The following SNTG1 variants were observed in gnomAD, a reference collection of about 807,000 sequenced individuals.
SNTG1 encodes syntrophin gamma 1.
In SNTG1, 39 loss-of-function variants were observed where a neutral mutation model predicts 74.7. The ratio of observed to expected loss-of-function variants is 0.52; its 90% confidence interval spans 0.40 to 0.68. SNTG1 has a LOEUF of 0.68. Ranked by LOEUF, SNTG1 falls within the 30% of genes least tolerant of loss-of-function variation. SNTG1 has a pLI of 0.00. For synonymous variants in SNTG1, 254 were observed against 217.1 expected (o/e 1.17, Z -1.49); for missense variants, 685 against 609.5 (o/e 1.12, Z -1.30).
At chr8:49,955,939 G>A (rs1810116626) in intron 1 of SNTG1, among the ~76,000 whole-genome samples, 1 of 152,274 alleles carries the variant, frequency 6.6e-6, no homozygotes, top group African/African-American at 2.4e-5. Flanking sequence ...TAGGACCCAA[G>A]TATGTCATCT....
intron 18 of SNTG1, among the ~76,000 whole-genome samples, chr8:50,774,549 A>G (rs992808671): frequency 6.7e-6 from 1 of 149,390 alleles, no homozygotes; most frequent in South Asian, 2.1e-4. Context: ...TATTACATAT[A>G]AAAAAAAGAA....
chr8:50,442,429 AC>A (rs1420177811), intron 5 of SNTG1, among the ~76,000 whole-genome samples: 3 of 151,794 alleles, frequency 2.0e-5, no homozygotes, highest in South Asian at 2.1e-4. Context: ...TCTTATTAGA[AC>A]CCTTCTAGGG....
chr8:49,961,813 T>C (rs1810710946), intron 1 of SNTG1, among the ~76,000 whole-genome samples: 1 of 152,178 alleles, frequency 6.6e-6, no homozygotes, highest in Non-Finnish European at 1.5e-5. Context: ...CCTTTTCTAA[T>C]GGAGAAGGAC....
chr8:50,574,693 G>T (rs559322106), intron 12 of SNTG1, among the ~76,000 whole-genome samples: 114 of 151,990 alleles, frequency 7.5e-4, no homozygotes, highest in African/African-American at 2.4e-3. Flanking sequence ...TAGATGTTTG[G>T]TTTTTTTGTG....
chr8:50,316,986 C>T (rs2090341900), intron 2 of SNTG1, among the ~76,000 whole-genome samples: 1 of 152,054 alleles, frequency 6.6e-6, no homozygotes, highest in Non-Finnish European at 1.5e-5. Flanking sequence ...GCTAAAGAAG[C>T]AATGATTATA....
At chr8:50,653,546 G>A (rs370974500) in intron 13 of SNTG1, among the ~76,000 whole-genome samples, 73 of 152,014 alleles carry the variant, frequency 4.8e-4, no homozygotes, top group African/African-American at 1.7e-3. Flanking sequence ...ACATTTTTCC[G>A]CCACATTTGT....
chr8:50,266,680 G>GTATATATATA (rs1247350057), intron 2 of SNTG1, among the ~76,000 whole-genome samples: 48 of 136,792 alleles, frequency 3.5e-4, no homozygotes, highest in African/African-American at 1.3e-3. Context: ...GTGTGTGTGT[G>GTATATATATA]TGTGTATATA....
intron 1 of SNTG1, among the ~76,000 whole-genome samples, chr8:49,983,604 A>G (rs1407759136): frequency 6.6e-6 from 1 of 152,212 alleles, no homozygotes; most frequent in Non-Finnish European, 1.5e-5. Context: ...CTAAACACCC[A>G]ATAATTCACT....
chr8:50,381,752 T>C (rs931680430), intron 2 of SNTG1, among the ~76,000 whole-genome samples: 1 of 139,008 alleles, frequency 7.2e-6, no homozygotes, highest in Admixed American at 7.6e-5. Flanking sequence ...ATATATAGGA[T>C]ATATATATCC....
chr8:50,125,819 T>C (rs967639630), intron 1 of SNTG1, among the ~76,000 whole-genome samples: 1 of 152,200 alleles, frequency 6.6e-6, no homozygotes, highest in African/African-American at 2.4e-5. Context: ...AAGAAAATGC[T>C]GATCGTATGG....
At chr8:50,764,638 A>T (rs2095608970) in intron 18 of SNTG1, among the ~76,000 whole-genome samples, 1 of 151,960 alleles carries the variant, frequency 6.6e-6, no homozygotes, top group Non-Finnish European at 1.5e-5. Flanking sequence ...GTTGGCAAAA[A>T]TGTAGAAAAA....
chr8:50,086,167 C>G (rs1406518051), intron 1 of SNTG1, among the ~76,000 whole-genome samples: 1 of 152,160 alleles, frequency 6.6e-6, no homozygotes, highest in Non-Finnish European at 1.5e-5. Flanking sequence ...AATTGGGCCA[C>G]ATAGGGGACT....
At chr8:50,123,217 T>G (rs1407801313) in intron 1 of SNTG1, among the ~76,000 whole-genome samples, 1 of 143,216 alleles carries the variant, frequency 7.0e-6, no homozygotes, top group Non-Finnish European at 1.6e-5. Flanking sequence ...TACAGACTAG[T>G]GGCTGATGGT....
At chr8:49,933,879 G>A (rs16914039) in intron 1 of SNTG1, among the ~76,000 whole-genome samples, 14,136 of 152,138 alleles carry the variant, frequency 0.093, 922 homozygotes, top group South Asian at 0.2. Context: ...AGGTTTGGCA[G>A]GGATATCGCT....
intron 12 of SNTG1, among the ~76,000 whole-genome samples, chr8:50,587,928 G>T (rs1386423066): frequency 6.6e-6 from 1 of 151,830 alleles, no homozygotes; most frequent in East Asian, 1.9e-4. Context: ...TGGCCAACAT[G>T]GTGAAACCCT....
chr8:50,416,604 T>C (rs957170270), intron 4 of SNTG1, among the ~76,000 whole-genome samples: 8 of 152,188 alleles, frequency 5.3e-5, no homozygotes, highest in Non-Finnish European at 1.2e-4. Flanking sequence ...TATTTTATTA[T>C]ACTTAGTTCT....
At chr8:50,550,991 C>A (rs2094422493) in intron 11 of SNTG1, among the ~76,000 whole-genome samples, 1 of 151,904 alleles carries the variant, frequency 6.6e-6, no homozygotes, top group African/African-American at 2.4e-5. Flanking sequence ...ATGGATTATT[C>A]AAGGGAATAT....
intron 1 of SNTG1, among the ~76,000 whole-genome samples, chr8:50,169,699 T>C (rs946749472): frequency 6.6e-5 from 10 of 152,202 alleles, no homozygotes; most frequent in African/African-American, 2.2e-4. Context: ...TGAACTCTTC[T>C]TTGGACTGTC....
rs958946186 is a variant in SNTG1, at chr8:50,726,438, A to G, written c.1284+17460A>G. Among the ~76,000 whole-genome samples, 2 of 152,156 alleles carry G rather than the reference A, an allele frequency of 1.3e-5. 1 individual carries two copies. The highest frequency in any genetic ancestry group is 4.8e-5 in the African/African-American group (2 of 41,438). On this transcript the variant is annotated intron_variant, in intron 17 of 18. Transcript: ENST00000642720. ...GGGGAGCGCTCAAGTGGGGCCCCTC[A>G]GGCAGAGTGGGCAACAGGCAAGGTG...
Sources: allele counts gnomAD v4.1 joint callset (sites outside exome capture counted in the v4.1 genomes callset), GRCh38; gene constraint gnomAD v4.1.1; transcripts MANE v1.5; gene names NCBI Gene and HGNC (gene_info 2026-07-23, HGNC 2026-07-21).